MYO5B: variants seen among roughly 807,000 people sequenced by gnomAD.
MYO5B encodes the protein unconventional myosin-Vb.
MYO5B carries 143 observed loss-of-function variants against 229.3 expected under a neutral mutation model. The observed-to-expected ratio is 0.62, with a 90% confidence interval of 0.54 to 0.72. The LOEUF is 0.72. MYO5B is among the 30% of genes least tolerant of loss of function. The probability of loss-of-function intolerance (pLI) is 0.00; values close to 1 mark genes in which losing one functional copy is unlikely to be tolerated. For missense variants in MYO5B, 2,321 were observed against 2,331.0 expected (o/e 1.00, Z 0.09); for synonymous variants, 918 against 885.2 (o/e 1.04, Z -0.66).
chr18:50,168,202 C>G (rs1283835570), intron 1 of MYO5B, among the ~76,000 whole-genome samples: 1 of 152,230 alleles, frequency 6.6e-6, no homozygotes. Context: ...GCATCCGAGT[C>G]AAACCTCCTC....
intron 5 of MYO5B, among the ~76,000 whole-genome samples, chr18:49,996,069 C>T (rs1242069305): frequency 6.6e-6 from 1 of 152,170 alleles, no homozygotes; most frequent in Non-Finnish European, 1.5e-5. Context: ...TTTTAATTTC[C>T]AATTTCTTAC....
chr18:49,959,212 T>C (rs1393123978), intron 12 of MYO5B, among the ~76,000 whole-genome samples: 2 of 152,232 alleles, frequency 1.3e-5, no homozygotes, highest in Non-Finnish European at 1.5e-5. Context: ...ACAGTGTTTC[T>C]GGTTCTGTGT....
intron 12 of MYO5B, among the ~76,000 whole-genome samples, chr18:49,959,513 G>T (rs990328921): frequency 6.6e-6 from 1 of 152,132 alleles, no homozygotes; most frequent in East Asian, 1.9e-4. Flanking sequence ...CAGGGGGCGG[G>T]GGACACTGGC....
intron 7 of MYO5B, among the ~76,000 whole-genome samples, chr18:49,989,471 G>A (rs899797298): frequency 6.6e-6 from 1 of 152,168 alleles, no homozygotes; most frequent in African/African-American, 2.4e-5. Flanking sequence ...CGGACAGCAG[G>A]ACAGGGACAG....
In MYO5B at chr18:49,943,909, T is replaced by C. The variant is rs547530081; in HGVS notation, c.1753-6512A>G. 3.9e-4 allele frequency among the ~76,000 whole-genome samples: 60 copies of C among 152,284 alleles called. 1 individual carries two copies. The South Asian group carries it at 0.012, about 29-fold the overall frequency. ...TTCTCTTAGGGAGGGAAGTCTGAAC[T>C]GTAGGACATTGGATGGGGAGGACAG... On this transcript the variant is annotated intron_variant, in intron 14 of 39. Coordinates refer to ENST00000285039, the MANE Select transcript of MYO5B (RefSeq NM_001080467.3).
At chr18:49,869,263 C>T (rs1413530160) in intron 27 of MYO5B, among the ~76,000 whole-genome samples, 1 of 152,156 alleles carries the variant, frequency 6.6e-6, no homozygotes, top group Admixed American at 6.5e-5. Context: ...AGCCCAATTT[C>T]CATTATTATA....
intron 1 of MYO5B, among the ~76,000 whole-genome samples, chr18:50,081,256 T>C (rs2031213133): frequency 6.6e-6 from 1 of 152,186 alleles, no homozygotes; most frequent in South Asian, 2.1e-4. Context: ...CACCAGAGGA[T>C]TGGCTGACCA....
At chr18:50,067,343 G>A (rs1319072290) in intron 1 of MYO5B, among the ~76,000 whole-genome samples, 1 of 152,140 alleles carries the variant, frequency 6.6e-6, no homozygotes, top group African/African-American at 2.4e-5. Flanking sequence ...GGATTACAAG[G>A]AGAAGCCTTT....
intron 15 of MYO5B, 35 bp downstream of exon 15, chr18:49,937,210 G>A (rs1356830002): frequency 1.9e-6 from 3 of 1,612,864 alleles, no homozygotes; most frequent in South Asian, 2.2e-5. Flanking sequence ...CCCTGCACAT[G>A]CACCTCAGCC....
At chr18:49,943,534 A>T (rs2025339550) in intron 14 of MYO5B, among the ~76,000 whole-genome samples, 1 of 152,202 alleles carries the variant, frequency 6.6e-6, no homozygotes, top group Admixed American at 6.5e-5. Context: ...TAGGTACTCA[A>T]TTCCATGTGC....
chr18:50,038,974 G>T (rs536932475), intron 3 of MYO5B, among the ~76,000 whole-genome samples: 1 of 152,108 alleles, frequency 6.6e-6, no homozygotes, highest in Non-Finnish European at 1.5e-5. Flanking sequence ...ACTTGCTATC[G>T]ACAGCTCCTG....
At chr18:49,966,344 A>G (rs928782074) in intron 10 of MYO5B, among the ~76,000 whole-genome samples, 1 of 152,332 alleles carries the variant, frequency 6.6e-6, no homozygotes, top group East Asian at 1.9e-4. Flanking sequence ...TGTAAAGTGT[A>G]TGCTGGGATG....
Position 50,187,516 on chromosome 18 carries a change from T to G in MYO5B, c.27+7251A>C, listed in dbSNP as rs527902000. ...CAAAATTATTGAGAAATGCTTTTTTTGGGGGGGTGGGCGGTGGGCAGACAG... is the reference window on the plus strand; with the variant it reads ...CAAAATTATTGAGAAATGCTTTTTTGGGGGGGGTGGGCGGTGGGCAGACAG... On this transcript the variant is annotated intron_variant, in intron 1 of 39. Coordinates refer to ENST00000285039, the MANE Select transcript of MYO5B (RefSeq NM_001080467.3). 1.7e-3 allele frequency among the ~76,000 whole-genome samples: 249 copies of G among 149,862 alleles called. 1 individual carries two copies. Among genetic ancestry groups the G allele is most frequent in the African/African-American group, 6.0e-3 (244 of 40,904 alleles).
chr18:50,015,613 A>AG (rs2026207843), intron 4 of MYO5B, among the ~76,000 whole-genome samples: 1 of 152,212 alleles, frequency 6.6e-6, no homozygotes, highest in South Asian at 2.1e-4. Context: ...TTGGCGCAGC[A>AG]GGTGTGCCCA....
intron 35 of MYO5B, among the ~76,000 whole-genome samples, chr18:49,839,640 T>C (rs369101974): frequency 1.3e-5 from 2 of 152,348 alleles, no homozygotes; most frequent in Non-Finnish European, 1.5e-5. Flanking sequence ...TTCCTCAATA[T>C]ATCAGGTCCC....
rs529620686 is a variant in MYO5B at position 49,979,600 on chromosome 18, A to G, written c.1056+844T>C. Reference sequence around the variant, plus strand: ...AAGCATTAGCTTGTGAGCAGCATGGACACGTGCCCTCAGGTAGTGTTGTCT... The same window carrying G: ...AAGCATTAGCTTGTGAGCAGCATGGGCACGTGCCCTCAGGTAGTGTTGTCT... On this transcript the variant is annotated intron_variant, in intron 9 of 39. Transcript: ENST00000285039. 3.9e-5 allele frequency among the ~76,000 whole-genome samples: 6 copies of G among 152,342 alleles called. No homozygotes were observed. In the South Asian group the frequency reaches 6.2e-4, roughly 16 times the overall value.
intron 1 of MYO5B, among the ~76,000 whole-genome samples, chr18:50,100,512 T>C (rs1459075531): frequency 6.6e-6 from 1 of 152,196 alleles, no homozygotes; most frequent in African/African-American, 2.4e-5. Context: ...CTGCATGGTA[T>C]GGAGGGAAGG....
chr18:50,066,095 C>T (rs1402608776), intron 1 of MYO5B, among the ~76,000 whole-genome samples: 2 of 152,062 alleles, frequency 1.3e-5, no homozygotes, highest in African/African-American at 2.4e-5. Flanking sequence ...GAAAACTACA[C>T]ATGGATTTCA....
At chr18:49,955,686 G>T (rs1005235753) in intron 12 of MYO5B, among the ~76,000 whole-genome samples, 2 of 152,194 alleles carry the variant, frequency 1.3e-5, no homozygotes, top group Non-Finnish European at 2.9e-5. Context: ...AACACCATAG[G>T]AAATTCAAGA....
Sources: allele counts gnomAD v4.1 joint callset (sites outside exome capture counted in the v4.1 genomes callset), GRCh38; gene constraint gnomAD v4.1.1; transcripts MANE v1.5; gene names NCBI Gene and HGNC (gene_info 2026-07-23, HGNC 2026-07-21).